Variants in CNTNAP5 observed in about 807,000 individuals in gnomAD.
The protein encoded by CNTNAP5 is contactin-associated protein-like 5.
A neutral mutation model predicts 150.2 loss-of-function variants in CNTNAP5; 72 were observed. The ratio of observed to expected loss-of-function variants is 0.48; its 90% CI spans 0.40 to 0.58. CNTNAP5 has a LOEUF of 0.58. Among genes scored for constraint, CNTNAP5 ranks in the 20% least tolerant of loss-of-function variants. The probability of loss-of-function intolerance (pLI) is 0.00; values close to 1 mark genes in which losing one functional copy is unlikely to be tolerated. For synonymous variants in CNTNAP5, 672 were observed against 619.8 expected (o/e 1.08, Z -1.25); for missense variants, 1,636 against 1,626.2 (o/e 1.01, Z -0.10).
At chr2:124,140,028 A>G (rs373105068) in intron 1 of CNTNAP5, among the ~76,000 whole-genome samples, 52 of 152,188 alleles carry the variant, frequency 3.4e-4, no homozygotes, top group African/African-American at 1.1e-3. Context: ...AAGGGGTGAC[A>G]GACGCACCTG....
intron 3 of CNTNAP5, among the ~76,000 whole-genome samples, chr2:124,274,235 T>C (rs772346236): frequency 6.6e-6 from 1 of 152,202 alleles, no homozygotes; most frequent in Non-Finnish European, 1.5e-5. Context: ...AGGTGCTGAA[T>C]AGCCACATAC....
At chr2:124,168,893 G>T (rs1350110951) in intron 1 of CNTNAP5, among the ~76,000 whole-genome samples, 2 of 152,080 alleles carry the variant, frequency 1.3e-5, no homozygotes, top group African/African-American at 4.8e-5. Context: ...CTTTGGAGTT[G>T]ATGTAAACTT....
chr2:124,634,374 G>A (rs1165964111), intron 12 of CNTNAP5, among the ~76,000 whole-genome samples: 4 of 152,130 alleles, frequency 2.6e-5, no homozygotes, highest in African/African-American at 4.8e-5. Flanking sequence ...AAATTCCACA[G>A]ATCCCAAGAG....
chr2:124,791,645 T>C lies in CNTNAP5; in HGVS notation c.2992+1504T>C, dbSNP rs117026283. ...ACCTCTCTGCATTTCTCTGGGGACATTATTCAAAGATCTCGTAGATCATAT... is the reference window on the plus strand; with the variant it reads ...ACCTCTCTGCATTTCTCTGGGGACACTATTCAAAGATCTCGTAGATCATAT... On this transcript the variant is annotated intron_variant, in intron 18 of 23. Transcript: ENST00000682447. 2.8e-4 allele frequency among the ~76,000 whole-genome samples: 42 copies of C among 152,174 alleles called. No homozygotes were observed. In the East Asian group the frequency reaches 8.1e-3, roughly 29 times the overall value.
chr2:124,835,547 A>C (rs1448310997), intron 19 of CNTNAP5, among the ~76,000 whole-genome samples: 1 of 152,140 alleles, frequency 6.6e-6, no homozygotes, highest in Admixed American at 6.6e-5. Context: ...GGTCCATGCC[A>C]GAGAGTTTGA....
Position 124,798,234 on chromosome 2 carries a change from G to A in CNTNAP5, c.3131G>A (p.Ser1044Asn), listed in dbSNP as rs1347676342. The change falls in exon 19 of 24, where the codon AGC (serine) becomes AAC (asparagine). Residue 1044 changes from serine to asparagine, a missense_variant. Transcript: ENST00000682447. ...SAPSKENIAL[S>N]FVTTQAPSLL... is the part of the protein sequence containing the mutation. ...CCATCCAAGGAAAACATTGCACTTA[G>A]CTTTGTGACAACCCAGGCACCCAGT... The A allele has an allele frequency of 6.2e-7, 1 of 1,613,916 alleles. No homozygotes were observed.
chr2:124,333,713 G>C (rs535897658), intron 3 of CNTNAP5, among the ~76,000 whole-genome samples: 2 of 152,190 alleles, frequency 1.3e-5, no homozygotes, highest in East Asian at 3.9e-4. Flanking sequence ...ACTGGATTTT[G>C]ATTTCAAGGC....
chr2:124,145,794 TAAAA>T (rs759470861), intron 1 of CNTNAP5, among the ~76,000 whole-genome samples: 2 of 29,532 alleles, frequency 6.8e-5, no homozygotes, highest in African/African-American at 2.2e-4. Context: ...TAAAGTATAA[TAAAA>T]AAAAAAAAAA....
chr2:124,085,239 G>A (rs772556032), intron 1 of CNTNAP5, among the ~76,000 whole-genome samples: 17 of 151,884 alleles, frequency 1.1e-4, no homozygotes, highest in Non-Finnish European at 2.2e-4. Context: ...TTTCTTAATC[G>A]TTACAGGACT....
At chr2:124,181,465 TA>T (rs1685206364) in intron 1 of CNTNAP5, among the ~76,000 whole-genome samples, 1 of 152,132 alleles carries the variant, frequency 6.6e-6, no homozygotes. Context: ...CTTTTTTTTT[TA>T]CATTTTTAAA....
rs548892414 is a variant in CNTNAP5 at position 124,814,452 on chromosome 2, C to T, written c.3217+16132C>T. On this transcript the variant is annotated intron_variant, in intron 19 of 23. Transcript: ENST00000682447. ...GTATCCACTGCTATGATCTGAATTC[C>T]AGGACTCAGCACTCCTGGCCTAGCA... 3.9e-5 allele frequency among the ~76,000 whole-genome samples: 6 copies of T among 152,220 alleles called. No individual in the cohort carries two copies. The East Asian group carries it at 1.2e-3, about 30-fold the overall frequency.
At chr2:124,810,991 G>A (rs1682204837) in intron 19 of CNTNAP5, among the ~76,000 whole-genome samples, 1 of 151,998 alleles carries the variant, frequency 6.6e-6, no homozygotes, top group South Asian at 2.1e-4. Context: ...GGCGTAGAAT[G>A]AGATACAAGA....
At chr2:124,881,121 T>C (rs1043144348) in intron 21 of CNTNAP5, among the ~76,000 whole-genome samples, 4 of 152,062 alleles carry the variant, frequency 2.6e-5, no homozygotes, top group Non-Finnish European at 5.9e-5. Flanking sequence ...TGCAAAGGCA[T>C]TCAGAATCTA....
intron 3 of CNTNAP5, among the ~76,000 whole-genome samples, chr2:124,380,297 T>C (rs1431709169): frequency 6.6e-6 from 1 of 152,108 alleles, no homozygotes; most frequent in Non-Finnish European, 1.5e-5. Flanking sequence ...ATAAGGAAAA[T>C]TGCCAGAGCT....
chr2:124,249,773 A>G (rs537813707), intron 3 of CNTNAP5, among the ~76,000 whole-genome samples: 1 of 152,218 alleles, frequency 6.6e-6, no homozygotes, highest in South Asian at 2.1e-4. Flanking sequence ...ACCTGTTAAA[A>G]TCTTTTACAG....
intron 1 of CNTNAP5, among the ~76,000 whole-genome samples, chr2:124,168,784 C>T (rs1172959911): frequency 6.6e-6 from 1 of 152,058 alleles, no homozygotes; most frequent in East Asian, 1.9e-4. Flanking sequence ...GTTATTACAT[C>T]ATTACTATTT....
At chr2:124,721,482 A>AAAATAAATAAAT (rs796076753) in intron 13 of CNTNAP5, among the ~76,000 whole-genome samples, 4 of 118,760 alleles carry the variant, frequency 3.4e-5, no homozygotes, top group Non-Finnish European at 7.3e-5. Flanking sequence ...ACTCCATCTC[A>AAAATAAATAAAT]AAATAAATAA....
chr2:124,820,844 C>T (rs1296424881), intron 19 of CNTNAP5, among the ~76,000 whole-genome samples: 1 of 152,188 alleles, frequency 6.6e-6, no homozygotes, highest in Non-Finnish European at 1.5e-5. Context: ...ATCTCACTGG[C>T]TGTGGGTTAG....
intron 19 of CNTNAP5, among the ~76,000 whole-genome samples, chr2:124,801,271 A>G (rs1309283233): frequency 1.3e-5 from 2 of 152,206 alleles, no homozygotes; most frequent in African/African-American, 2.4e-5. Context: ...GTGCTGTCTA[A>G]AGGAGATAAG....
Sources: gnomAD v4.1 joint callset for allele counts (sites outside exome capture counted in the v4.1 genomes callset) on GRCh38, gnomAD v4.1.1 for gene constraint, MANE v1.5 for transcripts, NCBI Gene and HGNC (gene_info 2026-07-23, HGNC 2026-07-21) for gene names.